Variants in PDZRN4 observed in about 807,000 individuals in gnomAD.
The protein encoded by PDZRN4 is PDZ domain containing ring finger 4.
In PDZRN4, 70 loss-of-function variants were observed where a neutral mutation model predicts 99.0. That is an observed-to-expected ratio of 0.71 (90% CI 0.58 to 0.86). PDZRN4 has a LOEUF of 0.86. Ranked by LOEUF, PDZRN4 falls within the 40% of genes least tolerant of loss-of-function variation. The pLI is 0.00. For missense variants in PDZRN4, 1,474 were observed against 1,331.2 expected, an observed-to-expected ratio of 1.11 and a Z score of -1.67; for synonymous variants, 551 against 501.6, an observed-to-expected ratio of 1.10 and a Z score of -1.32.
intron 5 of PDZRN4, among the ~76,000 whole-genome samples, chr12:41,538,194 T>TATTAAAAA (rs1565609176): frequency 2.0e-5 from 3 of 151,960 alleles, no homozygotes; most frequent in African/African-American, 7.2e-5. Flanking sequence ...AATACAAAGG[T>TATTAAAAA]ATATTAAAAA....
intron 3 of PDZRN4, among the ~76,000 whole-genome samples, chr12:41,476,973 G>A (rs1354384335): frequency 2.0e-5 from 3 of 152,174 alleles, no homozygotes; most frequent in African/African-American, 2.4e-5. Flanking sequence ...GTAAGACAAG[G>A]AGGCTATTTA....
At chr12:41,475,607 A>G (rs1401828917) in intron 3 of PDZRN4, among the ~76,000 whole-genome samples, 1 of 152,210 alleles carries the variant, frequency 6.6e-6, no homozygotes, top group Admixed American at 6.5e-5. Context: ...CTTGATTATA[A>G]ATAGCAAAGT....
intron 3 of PDZRN4, among the ~76,000 whole-genome samples, chr12:41,325,450 T>C (rs1277624325): frequency 6.6e-6 from 1 of 152,192 alleles, no homozygotes; most frequent in Admixed American, 6.5e-5. Context: ...TAATAATCAA[T>C]TTTAAAAACA....
At chr12:41,565,745 A>G (rs950345465) in intron 8 of PDZRN4, among the ~76,000 whole-genome samples, 3 of 152,086 alleles carry the variant, frequency 2.0e-5, no homozygotes, top group African/African-American at 7.2e-5. Context: ...TTTCTTCCTG[A>G]GACCATTAAA....
intron 3 of PDZRN4, chr12:41,477,863 A>T: frequency 6.5e-7 from 1 of 1,538,282 alleles, no homozygotes; most frequent in Non-Finnish European, 8.8e-7. Flanking sequence ...TGCATTTTTC[A>T]GGTAAGAGAC....
chr12:41,540,705 C>A (rs970531394), intron 5 of PDZRN4, among the ~76,000 whole-genome samples: 6 of 152,140 alleles, frequency 3.9e-5, no homozygotes, highest in African/African-American at 1.4e-4. Flanking sequence ...AGATTCTTTT[C>A]TTTCATTAAT....
At chr12:41,406,109 C>T (rs1464592877) in intron 3 of PDZRN4, among the ~76,000 whole-genome samples, 3 of 151,838 alleles carry the variant, frequency 2.0e-5, no homozygotes, top group Admixed American at 1.3e-4. Context: ...CAAAATATTT[C>T]AATAATAAAA....
intron 3 of PDZRN4, among the ~76,000 whole-genome samples, chr12:41,383,614 T>C (rs1952142372): frequency 6.6e-6 from 1 of 152,224 alleles, no homozygotes. Flanking sequence ...TCCTTTAACA[T>C]GGATTCATAA....
chr12:41,321,780 C>T (rs1247023838), intron 3 of PDZRN4, among the ~76,000 whole-genome samples: 1 of 152,060 alleles, frequency 6.6e-6, no homozygotes, highest in African/African-American at 2.4e-5. Context: ...ATGTGACAAA[C>T]TAACCTTTAA....
chr12:41,509,954 T>A (rs1163422297), intron 5 of PDZRN4, 41 bp downstream of exon 5: 10 of 975,636 alleles, frequency 1.0e-5, no homozygotes, highest in East Asian at 2.5e-5. Context: ...CTTCATGAAG[T>A]TACGGTTGAG....
At chr12:41,543,319 G>C (rs287094) in intron 5 of PDZRN4, among the ~76,000 whole-genome samples, 3 of 152,114 alleles carry the variant, frequency 2.0e-5, no homozygotes, top group African/African-American at 4.8e-5. Context: ...GCAATCTTCA[G>C]AATTAAAAAG....
intron 3 of PDZRN4, among the ~76,000 whole-genome samples, chr12:41,390,629 T>C (rs1417887310): frequency 6.6e-6 from 1 of 151,650 alleles, no homozygotes; most frequent in Non-Finnish European, 1.5e-5. Flanking sequence ...GTTTAGATCA[T>C]ACATGTCCTT....
At chr12:41,520,523 G>A (rs1375433284) in intron 5 of PDZRN4, among the ~76,000 whole-genome samples, 1 of 151,786 alleles carries the variant, frequency 6.6e-6, no homozygotes, top group Non-Finnish European at 1.5e-5. Context: ...AAGTTGTTTT[G>A]TTCTTCAAAT....
chr12:41,541,912 C>T (rs1938864762), intron 5 of PDZRN4, among the ~76,000 whole-genome samples: 1 of 152,134 alleles, frequency 6.6e-6, no homozygotes, highest in African/African-American at 2.4e-5. Context: ...AGGTATTTTG[C>T]CTTTCTGAAG....
At chr12:41,516,688 C>CG (rs1389823791) in intron 5 of PDZRN4, among the ~76,000 whole-genome samples, 2 of 151,822 alleles carry the variant, frequency 1.3e-5, no homozygotes, top group African/African-American at 4.8e-5. Flanking sequence ...TAAAGAATGA[C>CG]GGGGGTTCTG....
intron 3 of PDZRN4, among the ~76,000 whole-genome samples, chr12:41,399,238 AAAG>A (rs1340600118): frequency 1.3e-5 from 2 of 152,316 alleles, no homozygotes; most frequent in Admixed American, 6.5e-5. Context: ...GTATATAAAA[AAAG>A]AAGAAAAAAT....
chr12:41,345,268 C>A (rs2121023349), intron 3 of PDZRN4, among the ~76,000 whole-genome samples: 1 of 152,300 alleles, frequency 6.6e-6, no homozygotes, highest in Non-Finnish European at 1.5e-5. Flanking sequence ...ACGGCACAGA[C>A]GCGTTCCTTT....
intron 3 of PDZRN4, among the ~76,000 whole-genome samples, chr12:41,482,618 C>G (rs76226922): frequency 0.043 from 6,509 of 152,104 alleles, 200 homozygotes; most frequent in Non-Finnish European, 0.067. Context: ...GAAATTGAGG[C>G]TTAGAGACAT....
intron 3 of PDZRN4, among the ~76,000 whole-genome samples, chr12:41,281,649 A>G (rs1951386548): frequency 6.6e-6 from 1 of 152,228 alleles, no homozygotes; most frequent in African/African-American, 2.4e-5. Context: ...GAAATAAAGC[A>G]TGAAGGCAAG....
Sources: allele counts gnomAD v4.1 joint callset (sites outside exome capture counted in the v4.1 genomes callset), GRCh38; gene constraint gnomAD v4.1.1; transcripts MANE v1.5; gene names NCBI Gene and HGNC (gene_info 2026-07-23, HGNC 2026-07-21).